Variants in KALRN observed in about 807,000 individuals in gnomAD.
KALRN encodes the protein kalirin.
Under a neutral mutation model 353.7 loss-of-function variants are expected in KALRN, and 70 were observed. The observed-to-expected ratio is 0.20, with a 90% CI of 0.16 to 0.24. The LOEUF (loss-of-function observed/expected upper bound fraction) is 0.24, where lower values mean the gene tolerates loss of function less well. Among genes scored for constraint, KALRN ranks in the 10% least tolerant of loss-of-function variants. The pLI, the probability that KALRN is intolerant of heterozygous loss-of-function variation, is 1.00. For missense variants in KALRN, 2,791 were observed against 3,756.7 expected (o/e 0.74, Z 6.72); for synonymous variants, 1,391 against 1,434.8 (o/e 0.97, Z 0.69).
chr3:124,514,118 T>C (rs1045145279), intron 33 of KALRN, among the ~76,000 whole-genome samples: 6 of 152,368 alleles, frequency 3.9e-5, no homozygotes, highest in African/African-American at 1.4e-4. Context: ...TTTGTTACTG[T>C]ATATCTCAGT....
intron 1 of KALRN, among the ~76,000 whole-genome samples, chr3:124,188,302 T>C (rs1215977214): frequency 6.6e-6 from 1 of 152,052 alleles, no homozygotes. Context: ...GATTCTGCAG[T>C]AGAGATATTG....
chr3:124,265,022 T>C (rs777398377), intron 4 of KALRN, among the ~76,000 whole-genome samples: 3 of 152,232 alleles, frequency 2.0e-5, no homozygotes, highest in Admixed American at 2.0e-4. Flanking sequence ...ATTCTTTTTT[T>C]ATTGCTGTAT....
intron 9 of KALRN, among the ~76,000 whole-genome samples, chr3:124,340,334 C>A (rs929121240): frequency 9.2e-5 from 14 of 152,018 alleles, no homozygotes; most frequent in Non-Finnish European, 1.8e-4. Flanking sequence ...CCAGCCTGGG[C>A]AACATGGTAA....
intron 3 of KALRN, among the ~76,000 whole-genome samples, chr3:124,238,503 C>A (rs2080062104): frequency 6.6e-6 from 1 of 152,166 alleles, no homozygotes; most frequent in Non-Finnish European, 1.5e-5. Context: ...TTCTAAGAAT[C>A]TTTCCTGCCC....
Position 124,446,185 on chromosome 3 carries a change from G to C in KALRN, c.3338G>C (p.Arg1113Thr). ...VKAILSELLQ[R>T]ENRVLHFWTL... Reference sequence around the variant, plus strand: ...GCCATCCTGAGTGAGCTCCTGCAGAGGGAGAATCGCGTGCTGCATTTCTGG... The same window carrying C: ...GCCATCCTGAGTGAGCTCCTGCAGACGGAGAATCGCGTGCTGCATTTCTGG... The change falls in exon 20 of 60, where the codon AGG (arginine) becomes ACG (threonine). Residue 1113 changes from arginine (R) to threonine (T), a missense_variant. Arg to Thr is a moderately conservative substitution (Grantham distance 71). Coordinates refer to ENST00000682506, the MANE Select transcript of KALRN (RefSeq NM_001388419.1). 3 of 1,614,008 alleles carry C rather than the reference G, an allele frequency of 1.9e-6. No homozygotes were observed. The highest frequency in any genetic ancestry group is 2.5e-6 in the Non-Finnish European group (3 of 1,179,848).
intron 49 of KALRN, chr3:124,675,003 G>GATATATATATATATATATATAT (rs141101032): frequency 2.0e-5 from 3 of 146,582 alleles, no homozygotes; most frequent in African/African-American, 7.5e-5. Flanking sequence ...TTAAGTAACT[G>GATATATATATATATATATATAT]ATATATATAT....
rs1371142833 is a variant in KALRN, at chr3:124,434,538, A to G, written c.3048+13A>G. The G allele has an allele frequency of 6.2e-7, 1 of 1,612,784 alleles. No individual in the cohort carries two copies. The highest frequency in any genetic ancestry group is 8.5e-7 in the Non-Finnish European group (1 of 1,178,922). ...AACTTCTGAACAGGTGAGGGAAAAG[A>G]CTGTGGGGCTTGTGGGGCTGAGATT... On this transcript the variant is annotated intron_variant, in intron 17 of 59. Transcript: ENST00000682506.
intron 13 of KALRN, chr3:124,407,790 T>A (rs1213915646): frequency 1.3e-5 from 2 of 152,242 alleles, no homozygotes; most frequent in East Asian, 1.9e-4. Context: ...ATTTTTTTTT[T>A]ATTTTTTATT....
intron 34 of KALRN, among the ~76,000 whole-genome samples, chr3:124,591,635 C>A (rs764110972): frequency 2.0e-5 from 3 of 152,138 alleles, no homozygotes; most frequent in Admixed American, 2.0e-4. Context: ...TTGGTTAAGA[C>A]AATGTAAGTA....
intron 25 of KALRN, among the ~76,000 whole-genome samples, chr3:124,465,341 C>A (rs1392650834): frequency 6.6e-6 from 1 of 152,058 alleles, no homozygotes; most frequent in Non-Finnish European, 1.5e-5. Flanking sequence ...AATCAGGTAC[C>A]TGGCACATAA....
rs59163188 is a variant in KALRN, at chr3:124,307,701, A to G, written c.1092+8788A>G. Among the ~76,000 whole-genome samples the G allele has an allele frequency of 5.4e-3, 817 of 152,152 alleles. 12 individuals carry two copies. The highest frequency in any genetic ancestry group is 0.019 in the African/African-American group (793 of 41,558). On this transcript the variant is annotated intron_variant, in intron 6 of 59. Coordinates refer to ENST00000682506, the MANE Select transcript of KALRN (RefSeq NM_001388419.1). Reference sequence around the variant, plus strand: ...AAATACTCACTTATGCAAAAAAAGCAGTACAGGGTTATAGAAGTATAAAAA... The same window carrying G: ...AAATACTCACTTATGCAAAAAAAGCGGTACAGGGTTATAGAAGTATAAAAA...
At chr3:124,097,777 C>T (rs1434346117) in intron 1 of KALRN, among the ~76,000 whole-genome samples, 1 of 152,244 alleles carries the variant, frequency 6.6e-6, no homozygotes, top group Non-Finnish European at 1.5e-5. Flanking sequence ...CTATACTTAA[C>T]TATATGCAAG....
intron 26 of KALRN, among the ~76,000 whole-genome samples, chr3:124,476,337 G>C (rs1229191886): frequency 6.6e-6 from 1 of 151,048 alleles, no homozygotes; most frequent in Non-Finnish European, 1.5e-5. Flanking sequence ...TAACCAATCT[G>C]TGCCACAGTT....
At chr3:124,243,758 C>G (rs1174732693) in intron 3 of KALRN, among the ~76,000 whole-genome samples, 1 of 152,154 alleles carries the variant, frequency 6.6e-6, no homozygotes, top group African/African-American at 2.4e-5. Context: ...ATTTTCTTAC[C>G]TATAAAATAG....
At chr3:124,649,358 C>A (rs1235560155) in intron 37 of KALRN, among the ~76,000 whole-genome samples, 1 of 152,180 alleles carries the variant, frequency 6.6e-6, no homozygotes, top group Non-Finnish European at 1.5e-5. Flanking sequence ...TTCATTCCTA[C>A]CTTTTTGGAC....
chr3:124,089,449 G>A (rs184561013), intron 1 of KALRN, among the ~76,000 whole-genome samples: 1 of 152,040 alleles, frequency 6.6e-6, no homozygotes, highest in Non-Finnish European at 1.5e-5. Context: ...AACCTCCTGG[G>A]GGGTGAACGG....
chr3:124,712,827 C>A, intron 57 of KALRN, 108 bp from the exon 58 acceptor site: 1 of 672,608 alleles, frequency 1.5e-6, no homozygotes. Context: ...GAGTAGGATT[C>A]CTAATAAGAT....
intron 1 of KALRN, among the ~76,000 whole-genome samples, chr3:124,223,300 G>C (rs1380492854): frequency 3.3e-5 from 5 of 152,078 alleles, no homozygotes; most frequent in Non-Finnish European, 7.4e-5. Flanking sequence ...AACCTAACTA[G>C]GGTCCAGCCA....
intron 33 of KALRN, among the ~76,000 whole-genome samples, chr3:124,531,500 A>G (rs1321306395): frequency 6.6e-6 from 1 of 152,182 alleles, no homozygotes; most frequent in African/African-American, 2.4e-5. Flanking sequence ...AATACCAGAG[A>G]CTGGGTAATT....
Sources: gnomAD v4.1 joint callset for allele counts (sites outside exome capture counted in the v4.1 genomes callset) on GRCh38, gnomAD v4.1.1 for gene constraint, MANE v1.5 for transcripts, NCBI Gene and HGNC (gene_info 2026-07-23, HGNC 2026-07-21) for gene names.